Variants in SMYD3 observed in about 807,000 individuals in gnomAD.
SMYD3 encodes histone-lysine N-methyltransferase SMYD3.
Under a neutral mutation model 57.7 loss-of-function variants are expected in SMYD3, and 36 were observed. That is an observed-to-expected ratio of 0.62 (90% CI 0.48 to 0.82). SMYD3 has a LOEUF of 0.82. SMYD3 is among the 40% of genes least tolerant of loss of function. The pLI is 0.00. For synonymous variants in SMYD3, 211 were observed against 195.0 expected (o/e 1.08, Z -0.68); for missense variants, 515 against 538.8 (o/e 0.96, Z 0.44).
At chr1:246,418,065 T>C (rs965856107) in intron 1 of SMYD3, among the ~76,000 whole-genome samples, 9 of 152,340 alleles carry the variant, frequency 5.9e-5, no homozygotes, top group African/African-American at 1.9e-4. Flanking sequence ...GTGTGGCCCC[T>C]GTGCTTCTGC....
chr1:246,031,139 C>G (rs756156247), intron 5 of SMYD3, among the ~76,000 whole-genome samples: 5 of 152,120 alleles, frequency 3.3e-5, no homozygotes, highest in African/African-American at 4.8e-5. Flanking sequence ...GACCTTTTAT[C>G]TGTATGTTTC....
At chr1:246,425,223 A>C (rs1572489172) in intron 1 of SMYD3, among the ~76,000 whole-genome samples, 2 of 152,120 alleles carry the variant, frequency 1.3e-5, no homozygotes, top group South Asian at 4.2e-4. Context: ...GAGGAACCCC[A>C]AAACTTTTTC....
At chr1:246,079,639 A>G (rs777173420) in intron 5 of SMYD3, among the ~76,000 whole-genome samples, 7 of 152,224 alleles carry the variant, frequency 4.6e-5, no homozygotes, top group Non-Finnish European at 1.0e-4. Context: ...TTCAAGGCAC[A>G]TATGAAGTGC....
At chr1:246,442,540 C>G (rs796665795) in intron 1 of SMYD3, among the ~76,000 whole-genome samples, 15 of 151,386 alleles carry the variant, frequency 9.9e-5, no homozygotes, top group African/African-American at 3.6e-4. Context: ...AAGAGCGAAA[C>G]CCCTTCTCAA....
At chr1:246,149,569 A>G (rs1388484602) in intron 5 of SMYD3, among the ~76,000 whole-genome samples, 3 of 152,226 alleles carry the variant, frequency 2.0e-5, no homozygotes, top group Non-Finnish European at 4.4e-5. Context: ...GAACTGCATT[A>G]AAAATAATGA....
At chr1:246,419,698 T>C (rs80021183) in intron 1 of SMYD3, among the ~76,000 whole-genome samples, 4,619 of 152,306 alleles carry the variant, frequency 0.03, 107 homozygotes, top group Non-Finnish European at 0.043. Flanking sequence ...TGGATTCTCA[T>C]AGGACCACTA....
At chr1:245,792,079 A>G (rs1368682367) in intron 10 of SMYD3, among the ~76,000 whole-genome samples, 1 of 151,792 alleles carries the variant, frequency 6.6e-6, no homozygotes, top group Non-Finnish European at 1.5e-5. Flanking sequence ...AAGAGTGCTG[A>G]CTTTGTACCT....
At chr1:246,334,014 C>T (rs2065500979) in intron 3 of SMYD3, among the ~76,000 whole-genome samples, 1 of 152,010 alleles carries the variant, frequency 6.6e-6, no homozygotes, top group African/African-American at 2.4e-5. Flanking sequence ...CAAATCAAAA[C>T]CACAATGAGA....
chr1:246,335,242 C>T (rs1328506420), intron 3 of SMYD3, 125 bp downstream of exon 3: 3 of 812,458 alleles, frequency 3.7e-6, no homozygotes, highest in Non-Finnish European at 3.9e-6. Flanking sequence ...CATTTTATTG[C>T]AATATTTGCT....
intron 8 of SMYD3, among the ~76,000 whole-genome samples, chr1:245,869,484 T>C (rs1253299298): frequency 6.6e-6 from 1 of 152,176 alleles, no homozygotes; most frequent in Non-Finnish European, 1.5e-5. Flanking sequence ...CAGAACCAAT[T>C]TAGCTCCATC....
intron 4 of SMYD3, among the ~76,000 whole-genome samples, chr1:246,330,180 C>A (rs993591253): frequency 6.6e-5 from 10 of 152,078 alleles, no homozygotes; most frequent in African/African-American, 2.2e-4. Context: ...AACCAAGAGA[C>A]AGAAGAAGGG....
chr1:246,219,851 G>A (rs2063224670), intron 5 of SMYD3, among the ~76,000 whole-genome samples: 1 of 152,088 alleles, frequency 6.6e-6, no homozygotes, highest in South Asian at 2.1e-4. Flanking sequence ...ATGAGGGGTG[G>A]AACGCAGCAG....
chr1:245,803,494 A>G (rs2047973959), intron 10 of SMYD3, among the ~76,000 whole-genome samples: 1 of 152,208 alleles, frequency 6.6e-6, no homozygotes. Flanking sequence ...AATACACACA[A>G]AGCCCCCCAG....
intron 1 of SMYD3, among the ~76,000 whole-genome samples, chr1:246,448,821 T>C (rs1244952314): frequency 1.3e-5 from 2 of 151,004 alleles, no homozygotes; most frequent in East Asian, 1.9e-4. Context: ...AAGCCAAAAA[T>C]GTACCCTTAA....
At chr1:245,921,599 T>TA (rs1246332100) in intron 7 of SMYD3, among the ~76,000 whole-genome samples, 1 of 143,148 alleles carries the variant, frequency 7.0e-6, no homozygotes, top group Admixed American at 7.0e-5. Flanking sequence ...TATGCAGCCA[T>TA]AAAAAAGAAT....
At chr1:246,308,514 G>A (rs1055757699) in intron 5 of SMYD3, among the ~76,000 whole-genome samples, 2 of 152,070 alleles carry the variant, frequency 1.3e-5, no homozygotes, top group African/African-American at 4.8e-5. Context: ...GAGAATGAGG[G>A]AGAGAGTTTC....
At chr1:245,983,412 C>T (rs751632930) in intron 5 of SMYD3, among the ~76,000 whole-genome samples, 3 of 152,190 alleles carry the variant, frequency 2.0e-5, no homozygotes, top group South Asian at 2.1e-4. Context: ...AAACGACAAC[C>T]AGCTTTCATG....
chr1:246,501,669 C>T (rs890398522), intron 1 of SMYD3, among the ~76,000 whole-genome samples: 15 of 152,176 alleles, frequency 9.9e-5, no homozygotes, highest in African/African-American at 3.6e-4. Context: ...TTCAACTTCC[C>T]GTCCCCTCTC....
intron 8 of SMYD3, among the ~76,000 whole-genome samples, chr1:245,887,113 G>C (rs939879947): frequency 6.6e-6 from 1 of 152,116 alleles, no homozygotes; most frequent in Non-Finnish European, 1.5e-5. Flanking sequence ...GGCATTCTAA[G>C]TCACAGGATG....
Sources: allele counts gnomAD v4.1 joint callset (sites outside exome capture counted in the v4.1 genomes callset), GRCh38; gene constraint gnomAD v4.1.1; transcripts MANE v1.5; gene names NCBI Gene and HGNC (gene_info 2026-07-23, HGNC 2026-07-21).